Variants in SPEN observed in about 807,000 individuals in gnomAD.
The protein encoded by SPEN is spen family transcriptional repressor, also known as msx2-interacting protein.
Under a neutral mutation model 269.9 loss-of-function variants are expected in SPEN, and 18 were observed. The ratio of observed to expected loss-of-function variants is 0.07; its 90% CI spans 0.05 to 0.10. The LOEUF (loss-of-function observed/expected upper bound fraction) is 0.10, where lower values mean the gene tolerates loss of function less well. Among genes scored for constraint, SPEN ranks in the 10% least tolerant of loss-of-function variants. The pLI is 1.00. For missense variants in SPEN, 3,822 were observed against 4,631.2 expected, an observed-to-expected ratio of 0.83 and a Z score of 5.07; for synonymous variants, 1,726 against 1,765.7, an observed-to-expected ratio of 0.98 and a Z score of 0.56.
Position 15,932,502 on chromosome 1 carries a change from G to A in SPEN, c.6262G>A (p.Asp2088Asn), listed in dbSNP as rs2071232174. 1 of 1,605,804 alleles carries A rather than the reference G, an allele frequency of 6.2e-7. No homozygotes were observed. The highest frequency in any genetic ancestry group is 1.7e-5 in the Admixed American group (1 of 58,850). Reference sequence around the variant, plus strand: ...ATCTCGAAACTCCAGGTTAGCAGTGGACAAATCTGCAAGTCTGAAAAATGT... The same window carrying A: ...ATCTCGAAACTCCAGGTTAGCAGTGAACAAATCTGCAAGTCTGAAAAATGT... Reference protein sequence around the residue: ...GRSRNSRLAVDKSASLKNVDA... With the variant: ...GRSRNSRLAVNKSASLKNVDA... The change falls in exon 11 of 15, where the codon GAC (aspartate) becomes AAC (asparagine). Residue 2088 changes from aspartate (D) to asparagine (N), a missense_variant. Asp to Asn is a conservative substitution (Grantham distance 23). Coordinates refer to ENST00000375759, the MANE Select transcript of SPEN (RefSeq NM_015001.3). The surrounding 1 kb of genome is among the most constrained non-coding windows in gnomAD (Gnocchi z 4.2).
In SPEN at chr1:15,930,784, A is replaced by G; in HGVS notation, c.4544A>G (p.His1515Arg). The change falls in exon 11 of 15, where the codon CAT (histidine) becomes CGT (arginine). Residue 1515 changes from histidine to arginine, a missense_variant. By Grantham distance (29) the His-to-Arg change is conservative. Coordinates refer to ENST00000375759, the MANE Select transcript of SPEN (RefSeq NM_015001.3). This position sits in a 1 kb window ranked among gnomAD's most constrained non-coding sequence, Gnocchi z 5.3. ...EGKMDDKKEDHKEEEQERQEL... is the reference protein window; with the variant it reads ...EGKMDDKKEDRKEEEQERQEL... ...AAAATGGATGATAAGAAAGAGGACC[A>G]TAAAGAAGAAGAGCAAGAGAGGCAG... is the stretch of plus-strand genomic sequence containing the variant. 3 of 1,614,216 alleles carry G rather than the reference A, an allele frequency of 1.9e-6. No individual in the cohort carries two copies. Among genetic ancestry groups the G allele is most frequent in the Non-Finnish European group, 2.5e-6 (3 of 1,180,038 alleles).
chr1:15,878,272 G>A (rs1219504619), intron 3 of SPEN, among the ~76,000 whole-genome samples: 2 of 152,108 alleles, frequency 1.3e-5, no homozygotes, highest in African/African-American at 4.8e-5. Context: ...TCTTTTGCCT[G>A]CTTAAAATTA....
chr1:15,938,544 C>G, intron 13 of SPEN, 174 bp from the exon 14 acceptor site: 1 of 541,876 alleles, frequency 1.8e-6, no homozygotes, highest in South Asian at 3.1e-5. Flanking sequence ...TTTAAATCAG[C>G]TTTCTCAGGT....
intron 10 of SPEN, among the ~76,000 whole-genome samples, chr1:15,923,795 G>T (rs1021855996): frequency 2.6e-5 from 4 of 151,594 alleles, no homozygotes; most frequent in African/African-American, 9.7e-5. Context: ...TCAGCCTCCC[G>T]AGTAGCTGGG....
chr1:15,886,377 A>G (rs533139338), intron 3 of SPEN, among the ~76,000 whole-genome samples: 1 of 152,260 alleles, frequency 6.6e-6, no homozygotes, highest in Non-Finnish European at 1.5e-5. Context: ...TGTGACTCGA[A>G]CCAGCCTAAA....
Position 15,939,409 on chromosome 1 carries a change from T to A in SPEN, c.10977T>A (p.Ile3659=), listed in dbSNP as rs41269155. ...CCAACATCTCTCCCCACCTCATGAT[T>A]GTCATTGCCTCCGTGTGAGCCACTG... ...SISNISPHLM[I]VIASV The change falls in exon 15 of 15, where the codon ATT becomes ATA. Residue 3659 remains isoleucine (I), a synonymous_variant. Coordinates refer to ENST00000375759, the MANE Select transcript of SPEN (RefSeq NM_015001.3). This position sits in a 1 kb window ranked among gnomAD's most constrained non-coding sequence, Gnocchi z 4.1. 0.074 allele frequency: 118,509 copies of A among 1,599,802 alleles called. 4,821 individuals are homozygous for A. Among genetic ancestry groups the A allele is most frequent in the Non-Finnish European group, 0.081 (94,867 of 1,172,996 alleles).
In SPEN at chr1:15,921,571, A is replaced by T. The variant is rs200162495; in HGVS notation, c.1749+588A>T. The stretch of plus-strand genomic sequence containing the variant: ...TGCTGATGCTCACACAGACACTCTC[A>T]TCGCAGGCTTGACCACAGTTATGGG... On this transcript the variant is annotated intron_variant, in intron 9 of 14. Coordinates refer to ENST00000375759, the MANE Select transcript of SPEN (RefSeq NM_015001.3). Among the ~76,000 whole-genome samples, 6 of 152,330 alleles carry T rather than the reference A, an allele frequency of 3.9e-5. No individual in the cohort carries two copies. In the East Asian group the frequency reaches 9.6e-4, roughly 24 times the overall value.
chr1:15,932,227 A>G lies in SPEN; in HGVS notation c.5987A>G (p.Gln1996Arg). Residue 1996 changes from glutamine to arginine, a missense_variant, in exon 11 of 15, where the codon CAA (glutamine) becomes CGA (arginine). Physicochemically the swap from Gln to Arg is conservative, Grantham distance 43. Transcript: ENST00000375759. The surrounding 1 kb of genome is among the most constrained non-coding windows in gnomAD (Gnocchi z 4.2). ...SQKTAAGGGP[Q>R]GKKGKNEPKV... ...AAAACTGCAGCTGGTGGTGGACCCC[A>G]AGGGAAAAAGGGAAAAAATGAACCG... is the stretch of plus-strand genomic sequence containing the variant. 1 of 1,612,062 alleles carries G rather than the reference A, an allele frequency of 6.2e-7. No individual in the cohort carries two copies. The highest frequency in any genetic ancestry group is 8.5e-7 in the Non-Finnish European group (1 of 1,179,374).
At chr1:15,910,877 T>G (rs748089475) in intron 4 of SPEN, among the ~76,000 whole-genome samples, 11 of 152,198 alleles carry the variant, frequency 7.2e-5, no homozygotes, top group African/African-American at 9.6e-5. Flanking sequence ...CAATAAAATT[T>G]AAGTCAAATC....
At chr1:15,881,558 A>AAT (rs1464421192) in intron 3 of SPEN, among the ~76,000 whole-genome samples, 1 of 152,254 alleles carries the variant, frequency 6.6e-6, no homozygotes, top group African/African-American at 2.4e-5. Context: ...CCTTTCTCAG[A>AAT]ATACATGTCC....
Position 15,936,361 on chromosome 1 carries a change from C to A in SPEN, c.10026+95C>A, listed in dbSNP as rs1473862264. 4.2e-6 allele frequency: 6 copies of A among 1,427,176 alleles called. No homozygotes were observed. The East Asian group carries it at 1.2e-4, about 30-fold the overall frequency. 88.4% of individuals were successfully genotyped at this position (1,427,176 alleles called of 1,614,324 possible). On this transcript the variant is annotated intron_variant, in intron 11 of 14. Transcript: ENST00000375759. ...CAAGATGTGTGAAAGAAATCAGGGG[C>A]CAGGTGTGGTGGCTTATGCCTGTAA... is the stretch of plus-strand genomic sequence containing the variant.
chr1:15,935,051 C>T lies in SPEN; in HGVS notation c.8811C>T (p.Asn2937=), dbSNP rs111293962. 3.4e-3 allele frequency: 5,550 copies of T among 1,614,072 alleles called. 8 individuals are homozygous for T. The highest frequency in any genetic ancestry group is 4.4e-3 in the Non-Finnish European group (5,211 of 1,179,990). Residue 2937 remains asparagine (N), a synonymous_variant, in exon 11 of 15, where the codon AAC becomes AAT. Coordinates refer to ENST00000375759, the MANE Select transcript of SPEN (RefSeq NM_015001.3). The surrounding 1 kb of genome is among the most constrained non-coding windows in gnomAD (Gnocchi z 7.7). The part of the protein sequence containing the change: ...GTVKVLTQGI[N]TPPVLVHNQL... ...TGAAGGTTCTCACCCAGGGGATCAA[C>T]ACACCCCCTGTGCTGGTTCACAACC...
At chr1:15,858,789 CAAAAA>C (rs529101788) in intron 1 of SPEN, among the ~76,000 whole-genome samples, 1 of 151,502 alleles carries the variant, frequency 6.6e-6, no homozygotes, top group South Asian at 2.1e-4. Context: ...AACAAACAAA[CAAAAA>C]AAACCCGGGC....
chr1:15,893,097 TCAAA>T (rs947021895), intron 3 of SPEN, among the ~76,000 whole-genome samples: 13 of 152,172 alleles, frequency 8.5e-5, no homozygotes, highest in African/African-American at 3.1e-4. Flanking sequence ...AAACTCTGTC[TCAAA>T]CAACAACAAC....
At chr1:15,908,500 G>T (rs138150541) in intron 3 of SPEN, among the ~76,000 whole-genome samples, 180 of 151,860 alleles carry the variant, frequency 1.2e-3, no homozygotes, top group African/African-American at 4.1e-3. Context: ...TTGGCTCACT[G>T]CAACGTCTGC....
intron 3 of SPEN, among the ~76,000 whole-genome samples, chr1:15,882,162 GGCTCCATGTGCTGCTATGTACT>G (rs1397947330): frequency 1.5e-4 from 23 of 152,130 alleles, no homozygotes; most frequent in Non-Finnish European, 2.6e-4. Context: ...GGGCCTTCAT[GGCTCCATGTGCTGCTATGTACT>G]GCTCGACGTC....
chr1:15,932,575 G>C lies in SPEN; in HGVS notation c.6335G>C (p.Arg2112Thr). ...GGGGCTGCAGCACAGGCAGGGGAGA[G>C]GGAATCTGGGGTGGTGGCAGTCTCC... is the stretch of plus-strand genomic sequence containing the variant. ...PRGAAAQAGERESGVVAVSPE... is the reference protein window; with the variant it reads ...PRGAAAQAGETESGVVAVSPE... Residue 2112 changes from arginine to threonine, a missense_variant, in exon 11 of 15, where the codon AGG (arginine) becomes ACG (threonine). Transcript: ENST00000375759. The surrounding 1 kb of genome is among the most constrained non-coding windows in gnomAD (Gnocchi z 4.2). 6.2e-7 allele frequency: 1 copy of C among 1,601,834 alleles called. No homozygotes were observed. Among genetic ancestry groups the C allele is most frequent in the Non-Finnish European group, 8.5e-7 (1 of 1,172,576 alleles).
chr1:15,852,302 G>A (rs758264276), intron 1 of SPEN, among the ~76,000 whole-genome samples: 2 of 151,880 alleles, frequency 1.3e-5, no homozygotes, highest in African/African-American at 2.4e-5. Flanking sequence ...CCCCCATCCC[G>A]TCTATGAAAC....
At chr1:15,853,722 G>A (rs2070358669) in intron 1 of SPEN, among the ~76,000 whole-genome samples, 1 of 151,626 alleles carries the variant, frequency 6.6e-6, no homozygotes, top group Non-Finnish European at 1.5e-5. Context: ...GGGCTGGAGT[G>A]CAGTGGCATG....
Sources: gnomAD v4.1 joint callset for allele counts (sites outside exome capture counted in the v4.1 genomes callset) on GRCh38, gnomAD v4.1.1 for gene constraint, Gnocchi (gnomAD v3.1) non-coding constraint, MANE v1.5 for transcripts, NCBI Gene and HGNC (gene_info 2026-07-23, HGNC 2026-07-21) for gene names.